Variants in UBE3C observed in about 807,000 individuals in gnomAD.
The protein encoded by UBE3C is ubiquitin-protein ligase E3C.
In UBE3C, 42 loss-of-function variants were observed where a neutral mutation model predicts 129.4. That is an observed-to-expected ratio of 0.32 (90% CI 0.25 to 0.42). The LOEUF (loss-of-function observed/expected upper bound fraction) is 0.42. UBE3C is among the 10% of genes least tolerant of loss of function. The probability of loss-of-function intolerance (pLI) is 1.00; values close to 1 mark genes in which losing one functional copy is unlikely to be tolerated. For synonymous variants in UBE3C, 510 were observed against 492.4 expected, an observed-to-expected ratio of 1.04 and a Z score of -0.47; for missense variants, 1,049 against 1,319.1, an observed-to-expected ratio of 0.80 and a Z score of 3.17.
intron 18 of UBE3C, among the ~76,000 whole-genome samples, chr7:157,238,031 G>A (rs1242843237): frequency 6.6e-6 from 1 of 152,150 alleles, no homozygotes; most frequent in African/African-American, 2.4e-5. Flanking sequence ...CAGCCTGGGT[G>A]ACAGAGACCC....
At chr7:157,178,894 G>A in intron 6 of UBE3C, 47 bp downstream of exon 6, 1 of 1,597,284 alleles carries the variant, frequency 6.3e-7, no homozygotes, top group Non-Finnish European at 8.5e-7. Context: ...TCCTGATGGG[G>A]AGTGAGCAGA....
chr7:157,176,586 T>C (rs116988498), intron 5 of UBE3C, among the ~76,000 whole-genome samples: 2,888 of 152,350 alleles, frequency 0.019, 43 homozygotes, highest in Non-Finnish European at 0.029. Context: ...AACCCATGTT[T>C]CTTTAACAAC....
intron 2 of UBE3C, chr7:157,164,389 C>T (rs1432995609): frequency 4.4e-6 from 2 of 456,640 alleles, no homozygotes; most frequent in Non-Finnish European, 8.8e-6. Flanking sequence ...ACTATGGCCT[C>T]ATGCAATCGC....
chr7:157,249,411 G>C (rs1346621129), intron 19 of UBE3C, among the ~76,000 whole-genome samples: 1 of 152,114 alleles, frequency 6.6e-6, no homozygotes, highest in African/African-American at 2.4e-5. Context: ...CACCTCCCGG[G>C]TTCAAGTGAT....
At chr7:157,211,167 G>GGGGAGAGAGAGAGAGA (rs1491521524) in intron 13 of UBE3C, among the ~76,000 whole-genome samples, 1 of 137,082 alleles carries the variant, frequency 7.3e-6, no homozygotes, top group Non-Finnish European at 1.5e-5. Context: ...CCATATGTCT[G>GGGGAGAGAGAGAGAGA]GAGAGAGAGA....
intron 18 of UBE3C, chr7:157,231,730 C>T: frequency 5.4e-6 from 1 of 184,034 alleles, no homozygotes; most frequent in Non-Finnish European, 1.1e-5. Flanking sequence ...ATGAGAAGAC[C>T]TCACCAGGGG....
chr7:157,155,436 T>C (rs1262384317), intron 1 of UBE3C, among the ~76,000 whole-genome samples: 1 of 152,226 alleles, frequency 6.6e-6, no homozygotes, highest in Non-Finnish European at 1.5e-5. Context: ...TGGGGTTTTT[T>C]TTAAATCAAG....
intron 4 of UBE3C, among the ~76,000 whole-genome samples, chr7:157,172,520 C>A (rs1808405604): frequency 6.6e-6 from 1 of 152,120 alleles, no homozygotes; most frequent in African/African-American, 2.4e-5. Context: ...TAGTGTTTGG[C>A]TTTAAAACCC....
chr7:157,217,423 A>G (rs550685440), intron 14 of UBE3C, among the ~76,000 whole-genome samples: 109 of 149,152 alleles, frequency 7.3e-4, no homozygotes, highest in African/African-American at 2.6e-3. Context: ...AAGTGCTGGG[A>G]TTACAGACGT....
chr7:157,189,850 G>C (rs1423236884), intron 10 of UBE3C, among the ~76,000 whole-genome samples: 4 of 152,140 alleles, frequency 2.6e-5, no homozygotes, highest in Non-Finnish European at 4.4e-5. Context: ...GCCCAGGCTG[G>C]AGTGCAGTGG....
intron 3 of UBE3C, among the ~76,000 whole-genome samples, chr7:157,169,817 A>G (rs946243525): frequency 1.3e-5 from 2 of 152,172 alleles, no homozygotes; most frequent in African/African-American, 4.8e-5. Flanking sequence ...AGTAGCTGGG[A>G]CTACAGGTGC....
At chr7:157,172,715 G>T (rs1403742842) in intron 4 of UBE3C, among the ~76,000 whole-genome samples, 1 of 152,202 alleles carries the variant, frequency 6.6e-6, no homozygotes, top group African/African-American at 2.4e-5. Flanking sequence ...TTGAAAAAAA[G>T]AATCAGAATA....
Position 157,184,107 on chromosome 7 carries a change from A to G in UBE3C, c.1143+78A>G, listed in dbSNP as rs1443913912. On this transcript the variant is annotated intron_variant, in intron 9 of 22. Coordinates refer to ENST00000348165, the MANE Select transcript of UBE3C (RefSeq NM_014671.3). ...ATCTTCTAGCTTTCTGTCCACCCGTAGTTTCAGTTACACAAGTCAGACCCT... is the reference window on the plus strand; with the variant it reads ...ATCTTCTAGCTTTCTGTCCACCCGTGGTTTCAGTTACACAAGTCAGACCCT... The G allele has an allele frequency of 7.7e-6, 12 of 1,557,544 alleles. No individual in the cohort carries two copies. In the East Asian group the frequency reaches 2.3e-4, roughly 29 times the overall value.
intron 17 of UBE3C, among the ~76,000 whole-genome samples, chr7:157,229,015 G>A (rs1301176658): frequency 6.6e-6 from 1 of 152,136 alleles, no homozygotes; most frequent in Non-Finnish European, 1.5e-5. Flanking sequence ...GATGCTCCAG[G>A]GCAGATATGT....
At chr7:157,189,669 C>CT (rs1808900861) in intron 10 of UBE3C, among the ~76,000 whole-genome samples, 1 of 152,210 alleles carries the variant, frequency 6.6e-6, no homozygotes, top group Admixed American at 6.5e-5. Flanking sequence ...TTTCCTGACT[C>CT]TTTCAGCGGC....
intron 18 of UBE3C, among the ~76,000 whole-genome samples, chr7:157,236,717 G>A (rs1796161012): frequency 2.0e-5 from 3 of 151,716 alleles, no homozygotes; most frequent in African/African-American, 7.3e-5. Context: ...ACCTTGTTTT[G>A]AACCCTAAAC....
At position 157,144,750 on chromosome 7, in the gene UBE3C, G is replaced by A. The variant is rs527678726; in HGVS notation, c.66+5412G>A. ...CAGGTTTACAATCAAGCAGAGGGTA[G>A]GGTTCCCATATGCCTAGTCTCCCTC... On this transcript the variant is annotated intron_variant, in intron 1 of 22. Coordinates refer to ENST00000348165, the MANE Select transcript of UBE3C (RefSeq NM_014671.3). 1.6e-3 allele frequency among the ~76,000 whole-genome samples: 244 copies of A among 152,160 alleles called. 1 individual carries two copies. The highest frequency in any genetic ancestry group is 2.6e-3 in the Non-Finnish European group (175 of 68,010).
intron 1 of UBE3C, among the ~76,000 whole-genome samples, chr7:157,161,825 A>G (rs1808078968): frequency 6.6e-6 from 1 of 151,930 alleles, no homozygotes. Context: ...TAATCCCAGC[A>G]GTTCGGGAGG....
intron 17 of UBE3C, among the ~76,000 whole-genome samples, chr7:157,226,140 A>G (rs1364349504): frequency 2.6e-5 from 4 of 152,286 alleles, no homozygotes; most frequent in East Asian, 1.9e-4. Context: ...AAAAATCTCG[A>G]TGGTAGCCAT....
Sources: allele counts gnomAD v4.1 joint callset (sites outside exome capture counted in the v4.1 genomes callset), GRCh38; gene constraint gnomAD v4.1.1; transcripts MANE v1.5; gene names NCBI Gene and HGNC (gene_info 2026-07-23, HGNC 2026-07-21).